EMD: variants seen among roughly 807,000 people sequenced by gnomAD.
The protein encoded by EMD is emerin.
EMD carries 2 observed loss-of-function variants against 15.2 expected under a neutral mutation model. That is an observed-to-expected ratio of 0.13 (90% CI 0.05 to 0.41). The LOEUF is 0.41. Among genes scored for constraint, EMD ranks in the 10% least tolerant of loss-of-function variants. The pLI, the probability that EMD is intolerant of heterozygous loss-of-function variation, is 0.99. For missense variants in EMD, 224 were observed against 213.4 expected (o/e 1.05, Z -0.31); for synonymous variants, 122 against 86.2 (o/e 1.42, Z -2.30).
chrX:154,379,381 C>T lies in EMD; in HGVS notation c.-104C>T. On this transcript the variant is annotated 5_prime_UTR_variant, in exon 1 of 6. Transcript: ENST00000369842. ...GCTGTGACGCGAGCGCGGCCGCTCCCGATGCGCTCGTGCCGCCCCCGCCGT... is the reference window on the plus strand; with the variant it reads ...GCTGTGACGCGAGCGCGGCCGCTCCTGATGCGCTCGTGCCGCCCCCGCCGT... 1.1e-6 allele frequency: 1 copy of T among 892,759 alleles called. No homozygotes were observed. Among genetic ancestry groups the T allele is most frequent in the Non-Finnish European group, 1.6e-6 (1 of 638,475 alleles). The allele number at this position is 892,759 out of a possible 1,213,427, so 73.6% of individuals were successfully genotyped here. A position where few individuals can be genotyped will look rare whatever the true frequency, so the allele number is the denominator to read the frequency against.
In EMD at chrX:154,380,279, C is replaced by T. The variant is rs1245332627; in HGVS notation, c.311C>T (p.Thr104Ile). 5 of 1,211,537 alleles carry T rather than the reference C, an allele frequency of 4.1e-6. No homozygotes were observed. The highest frequency in any genetic ancestry group is 3.5e-5 in the South Asian group (2 of 57,045). Residue 104 changes from threonine to isoleucine, a missense_variant, in exon 4 of 6, where the codon ACT becomes ATT. Thr to Ile is a moderately conservative substitution (Grantham distance 89). Transcript: ENST00000369842. Reference sequence around the variant, plus strand: ...GAAGAGAGCTACTTCACCACCAGGACTTATGGGGAGCCCGAGTCTGCCGGC... The same window carrying T: ...GAAGAGAGCTACTTCACCACCAGGATTTATGGGGAGCCCGAGTCTGCCGGC... ...YYEESYFTTR[T>I]YGEPESAGPS...
rs2067883242 is a variant in EMD, at chrX:154,380,817, AG to A, written c.449+16del. 4 of 1,210,860 alleles carry A rather than the reference AG, an allele frequency of 3.3e-6. No individual in the cohort carries two copies. The East Asian group carries it at 1.2e-4, about 36-fold the overall frequency. On this transcript the variant is annotated intron_variant, in intron 5 of 5. Transcript: ENST00000369842. ...TGCAAGGATAGGTGCGTAGTGGGGGAGCCCAGGGACGGGCTGGTTCTGGGTC... is the reference window on the plus strand; with the variant it reads ...TGCAAGGATAGGTGCGTAGTGGGGGACCCAGGGACGGGCTGGTTCTGGGTC...
chrX:154,379,318 A>G lies in EMD; in HGVS notation c.-167A>G, dbSNP rs2067871626. ...GCAGCCTGCGGAGCCAGCGGCCGTG[A>G]CGCGACAACGATTCGGCTGTGACGC... On this transcript the variant is annotated 5_prime_UTR_variant, in exon 1 of 6. Coordinates refer to ENST00000369842, the MANE Select transcript of EMD (RefSeq NM_000117.3). The G allele has an allele frequency of 1.0e-4, 50 of 496,437 alleles. No individual in the cohort carries two copies. The highest frequency in any genetic ancestry group is 7.1e-4 in the South Asian group (20 of 28,229). 40.9% of individuals were successfully genotyped at this position (496,437 alleles called of 1,213,427 possible).
chrX:154,379,557 C>G lies in EMD; in HGVS notation c.73C>G (p.Pro25Ala). 1 of 1,170,538 alleles carries G rather than the reference C, an allele frequency of 8.5e-7. No individual in the cohort carries two copies. The highest frequency in any genetic ancestry group is 1.1e-6 in the Non-Finnish European group (1 of 874,290). The part of the protein sequence containing the change: ...LLRRYNIPHG[P>A]VVGSTRRLYE... ...GCGCCGGTACAACATCCCGCACGGG[C>G]CTGTAGTAGGTACGCGGCGGCGGGC... The change falls in exon 1 of 6, where the codon CCT becomes GCT. Residue 25 changes from proline to alanine, a missense_variant. Physicochemically the swap from Pro to Ala is conservative, Grantham distance 27 (BLOSUM62 -1). Coordinates refer to ENST00000369842, the MANE Select transcript of EMD (RefSeq NM_000117.3).
chrX:154,380,364 C>T lies in EMD; in HGVS notation c.396C>T (p.His132=), dbSNP rs145985318. 1.4e-3 allele frequency: 1,661 copies of T among 1,210,227 alleles called. 1 individual carries two copies. The highest frequency in any genetic ancestry group is 1.6e-3 in the Non-Finnish European group (1,451 of 895,360). ...TCCCAGATGCTGACGCTTTCCATCA[C>T]CAGGTGAGCTGGCTGGCAGGCGTCC... The part of the protein sequence containing the change: ...TSFPDADAFH[H]QVHDDDLLSS... The change falls in exon 4 of 6, where the codon CAC becomes CAT. Residue 132 remains histidine, a synonymous_variant. Transcript: ENST00000369842.
At chrX:154,380,100 C>T (rs782087879) in intron 3 of EMD, 81 bp downstream of exon 3, 1 of 1,191,295 alleles carries the variant, frequency 8.4e-7, no homozygotes, top group African/African-American at 1.8e-5. Flanking sequence ...GACCTGAGAC[C>T]TCAGTCCCAA....
chrX:154,379,308 A>G lies in EMD; in HGVS notation c.-177A>G, dbSNP rs1189913659. On this transcript the variant is annotated 5_prime_UTR_variant, in exon 1 of 6. Transcript: ENST00000369842. ...CGCAGCGCGCGCAGCCTGCGGAGCC[A>G]GCGGCCGTGACGCGACAACGATTCG... 4.4e-6 allele frequency: 2 copies of G among 458,573 alleles called. No individual in the cohort carries two copies. Among genetic ancestry groups the G allele is most frequent in the Non-Finnish European group, 6.9e-6 (2 of 288,691 alleles). The allele number at this position is 458,573 out of a possible 1,213,427, so 37.8% of individuals were successfully genotyped here.
chrX:154,380,745 T>C lies in EMD; in HGVS notation c.400-8T>C. ...AGCCAGTCCCCTCGCCCTGACTCTC[T>C]TCTGCAGGTGCATGATGACGATCTT... On this transcript the variant is annotated splice_region_variant and splice_polypyrimidine_tract_variant and intron_variant, in intron 4 of 5. Transcript: ENST00000369842. 1 of 1,211,707 alleles carries C rather than the reference T, an allele frequency of 8.3e-7. No homozygotes were observed. Among genetic ancestry groups the C allele is most frequent in the East Asian group, 3.0e-5 (1 of 33,842 alleles).
At chrX:154,379,599 C>G in intron 1 of EMD, 33 bp downstream of exon 1, 8 of 1,178,763 alleles carry the variant, frequency 6.8e-6, no homozygotes, top group Non-Finnish European at 6.8e-6. Context: ...CCTTCCGGGC[C>G]CCCTCCTCGT....
chrX:154,379,323 A>G lies in EMD; in HGVS notation c.-162A>G. ...CTGCGGAGCCAGCGGCCGTGACGCG[A>G]CAACGATTCGGCTGTGACGCGACAA... On this transcript the variant is annotated 5_prime_UTR_variant, in exon 1 of 6. Coordinates refer to ENST00000369842, the MANE Select transcript of EMD (RefSeq NM_000117.3). 1 of 523,069 alleles carries G rather than the reference A, an allele frequency of 1.9e-6. No individual in the cohort carries two copies. Among genetic ancestry groups the G allele is most frequent in the Non-Finnish European group, 2.9e-6 (1 of 341,845 alleles). 43.1% of individuals were successfully genotyped at this position (523,069 alleles called of 1,213,427 possible). A position where few individuals can be genotyped will look rare whatever the true frequency, so the allele number is the denominator to read the frequency against.
At chrX:154,380,053 T>C in intron 3 of EMD, 34 bp downstream of exon 3, 2 of 1,196,930 alleles carry the variant, frequency 1.7e-6, no homozygotes, top group Non-Finnish European at 2.3e-6. Flanking sequence ...CGCTGGCACC[T>C]TCACCCGACT....
chrX:154,380,173 G>A lies in EMD; in HGVS notation c.266-61G>A, dbSNP rs2067878601. ...GTCCCGAAATGGGATTCAGATTAGG[G>A]CCATCAGGCCAGGCGGGGCACACCG... On this transcript the variant is annotated intron_variant, in intron 3 of 5. Transcript: ENST00000369842. The A allele has an allele frequency of 7.4e-6, 9 of 1,208,957 alleles. 1 individual carries two copies. The South Asian group carries it at 1.6e-4, about 21-fold the overall frequency.
chrX:154,380,740 C>T lies in EMD; in HGVS notation c.400-13C>T, dbSNP rs1557182538. ...CTGCCAGCCAGTCCCCTCGCCCTGACTCTCTTCTGCAGGTGCATGATGACG... is the reference window on the plus strand; with the variant it reads ...CTGCCAGCCAGTCCCCTCGCCCTGATTCTCTTCTGCAGGTGCATGATGACG... On this transcript the variant is annotated splice_polypyrimidine_tract_variant and intron_variant, in intron 4 of 5. Transcript: ENST00000369842. 5.0e-6 allele frequency: 6 copies of T among 1,211,629 alleles called. 1 individual carries two copies. Among genetic ancestry groups the T allele is most frequent in the Non-Finnish European group, 4.5e-6 (4 of 895,549 alleles).
intron 5 of EMD, 22 bp downstream of exon 5, chrX:154,380,824 G>C: frequency 8.3e-7 from 1 of 1,211,840 alleles, no homozygotes; most frequent in South Asian, 1.8e-5. Context: ...GGGAGCCCAG[G>C]GACGGGCTGG....
In EMD at chrX:154,381,523, A is replaced by C; in HGVS notation, c.*326A>C. The C allele has an allele frequency of 8.0e-6, 2 of 250,848 alleles. No homozygotes were observed. Among genetic ancestry groups the C allele is most frequent in the Non-Finnish European group, 1.4e-5 (2 of 140,790 alleles). 20.7% of individuals were successfully genotyped at this position (250,848 alleles called of 1,213,427 possible). A position where few individuals can be genotyped will look rare whatever the true frequency, so the allele number is the denominator to read the frequency against. ...ACAATAAAAGCCCCGTTTATTTGTA[A>C]TGCGTTGGCTCTTCCTGGAGGAGAG... On this transcript the variant is annotated 3_prime_UTR_variant, in exon 6 of 6. Transcript: ENST00000369842.
chrX:154,379,900 G>A (rs1295055109), intron 2 of EMD, 42 bp from the exon 3 acceptor site: 3 of 1,196,838 alleles, frequency 2.5e-6, no homozygotes, highest in Non-Finnish European at 3.4e-6. Context: ...GGGGAGGGAA[G>A]TCTGGGGGGG....
chrX:154,380,152 C>T (rs1411652008), intron 3 of EMD, 82 bp from the exon 4 acceptor site: 20 of 1,204,276 alleles, frequency 1.7e-5, no homozygotes, highest in Middle Eastern at 2.3e-4. Context: ...TTACAGGTCC[C>T]GAAATGGGAT....
rs782666989 is a variant in EMD, at chrX:154,380,298, T to G, written c.330T>G (p.Ser110=). 1.2e-5 allele frequency: 15 copies of G among 1,210,147 alleles called. No individual in the cohort carries two copies. The highest frequency in any genetic ancestry group is 1.5e-5 in the Non-Finnish European group (13 of 895,340). ...FTTRTYGEPE[S]AGPSRAVRQS... is the part of the protein sequence containing the mutation. ...CCAGGACTTATGGGGAGCCCGAGTC[T>G]GCCGGCCCGTCCAGGGCTGTCCGCC... Residue 110 remains serine (S), a synonymous_variant, in exon 4 of 6, where the codon TCT becomes TCG. Transcript: ENST00000369842.
At position 154,381,050 on chromosome X, in the gene EMD, C is replaced by T. The variant is rs782496874; in HGVS notation, c.618C>T (p.Ile206=). Residue 206 remains isoleucine, a synonymous_variant, in exon 6 of 6, where the codon ATC becomes ATT. Coordinates refer to ENST00000369842, the MANE Select transcript of EMD (RefSeq NM_000117.3). ...CTTCATGGCTCACCCGCCGTGCCAT[C>T]CGGCCTGAAAACCGTGCTCCTGGGG... is the stretch of plus-strand genomic sequence containing the variant. ...SSSSWLTRRA[I]RPENRAPGAG... is the part of the protein sequence containing the mutation. The T allele has an allele frequency of 3.1e-5, 38 of 1,211,016 alleles. No individual in the cohort carries two copies. The East Asian group carries it at 1.0e-3, about 32-fold the overall frequency.
Sources: gnomAD v4.1 joint callset for allele counts on GRCh38, gnomAD v4.1.1 for gene constraint, MANE v1.5 for transcripts, NCBI Gene and HGNC (gene_info 2026-07-23, HGNC 2026-07-21) for gene names.